RECK: variants seen among roughly 807,000 people sequenced by gnomAD.
RECK encodes the protein reversion-inducing cysteine-rich protein with Kazal motifs.
In RECK, 69 loss-of-function variants were observed where a neutral mutation model predicts 115.1. The ratio of observed to expected loss-of-function variants is 0.60; its 90% confidence interval spans 0.49 to 0.73. The LOEUF (loss-of-function observed/expected upper bound fraction) is 0.73. Among genes scored for constraint, RECK ranks in the 30% least tolerant of loss-of-function variants. RECK has a pLI of 0.00. For synonymous variants in RECK, 414 were observed against 419.7 expected (o/e 0.99, Z 0.17); for missense variants, 1,047 against 1,203.7 (o/e 0.87, Z 1.93).
rs1185406404 is a variant in RECK at position 36,065,621 on chromosome 9, T to C, written c.402T>C (p.Tyr134=). 1.9e-6 allele frequency: 3 copies of C among 1,577,454 alleles called. No homozygotes were observed. The highest frequency in any genetic ancestry group is 1.2e-5 in the South Asian group (1 of 81,972). ...NDISKVCRKE[Y]ENALFSCISR... is the part of the protein sequence containing the mutation. ...TTTCCAAAGTTTGCAGAAAAGAATA[T>C]GAGGTATGCATTTTATTTAACAAAT... Residue 134 remains tyrosine (Y), a synonymous_variant, in exon 6 of 21, where the codon TAT becomes TAC. Transcript: ENST00000377966.
intron 8 of RECK, 45 bp downstream of exon 8, chr9:36,083,607 A>T: frequency 6.4e-7 from 1 of 1,572,494 alleles, no homozygotes; most frequent in Non-Finnish European, 8.7e-7. Context: ...CTTTGGTAAA[A>T]TCGTTTGTAA....
At chr9:36,101,791 A>T (rs145739470) in intron 11 of RECK, among the ~76,000 whole-genome samples, 370 of 152,372 alleles carry the variant, frequency 2.4e-3, no homozygotes, top group African/African-American at 8.6e-3. Context: ...TGATTTTTGC[A>T]GAGAGTAAAT....
intron 8 of RECK, among the ~76,000 whole-genome samples, chr9:36,086,776 AT>A (rs772348255): frequency 1.6e-4 from 24 of 152,130 alleles, no homozygotes; most frequent in Non-Finnish European, 3.5e-4. Context: ...ACCTCTCAAT[AT>A]GGTGTTTGTG....
chr9:36,111,683 T>C (rs931365432), intron 15 of RECK, among the ~76,000 whole-genome samples: 4 of 152,222 alleles, frequency 2.6e-5, no homozygotes, highest in African/African-American at 9.6e-5. Flanking sequence ...CGTGAGCCAC[T>C]GTGCCCAGCC....
At chr9:36,056,999 C>T (rs1821554383) in intron 2 of RECK, 11 of 985,200 alleles carry the variant, frequency 1.1e-5, no homozygotes, top group African/African-American at 1.7e-5. Context: ...ATTTTACCGT[C>T]TCAGCTATTT....
Position 36,037,087 on chromosome 9 carries a change from CG to C in RECK, c.92del (p.Gly31AlafsTer33). On this transcript the variant is annotated frameshift_variant, in exon 1 of 21. Transcript: ENST00000377966. LOFTEE classifies it high-confidence loss of function. ...GCGGAGGTGGCAGGGGGCCTGGCTC[CG>C]GGCAGTGCGGGTGAGTAACCTCCAG... is the stretch of plus-strand genomic sequence containing the variant. Reference protein sequence around the residue: ...GVAEVAGGLAPGSAGALCCNH... With the variant: ...GVAEVAGGLAXGSAGALCCNH... 7.4e-7 allele frequency: 1 copy of C among 1,353,590 alleles called. No individual in the cohort carries two copies. The highest frequency in any genetic ancestry group is 9.5e-7 in the Non-Finnish European group (1 of 1,048,358). 83.8% of individuals were successfully genotyped at this position (1,353,590 alleles called of 1,614,324 possible). A position where few individuals can be genotyped will look rare whatever the true frequency, so the allele number is the denominator to read the frequency against.
intron 9 of RECK, among the ~76,000 whole-genome samples, chr9:36,089,915 A>G (rs912531960): frequency 9.2e-5 from 14 of 152,004 alleles, no homozygotes; most frequent in Non-Finnish European, 4.4e-5. Context: ...CCTGAGGTCA[A>G]GAGTTCCAGA....
At chr9:36,107,729 T>G (rs994161923) in intron 13 of RECK, among the ~76,000 whole-genome samples, 4 of 152,208 alleles carry the variant, frequency 2.6e-5, no homozygotes, top group African/African-American at 9.6e-5. Flanking sequence ...ACTGTTATAC[T>G]GAATGATAGG....
chr9:36,037,126 A>G, intron 1 of RECK, 28 bp downstream of exon 1: 1 of 1,233,690 alleles, frequency 8.1e-7, no homozygotes, highest in Non-Finnish European at 1.0e-6. Context: ...CAACGGTTCG[A>G]AGCTGTCGGG....
intron 14 of RECK, 101 bp downstream of exon 14, chr9:36,108,265 T>C (rs1823899396): frequency 1.2e-6 from 1 of 831,742 alleles, no homozygotes; most frequent in Admixed American, 3.1e-5. Flanking sequence ...AAGGTCTGCA[T>C]ATCAGATACT....
intron 4 of RECK, among the ~76,000 whole-genome samples, chr9:36,062,788 C>A (rs1176537062): frequency 6.6e-6 from 1 of 152,098 alleles, no homozygotes; most frequent in Non-Finnish European, 1.5e-5. Context: ...CTATCTCCTA[C>A]TTTTGCCTTA....
chr9:36,091,653 T>G (rs1344336899), intron 10 of RECK, among the ~76,000 whole-genome samples: 2 of 152,246 alleles, frequency 1.3e-5, no homozygotes, highest in Admixed American at 1.3e-4. Context: ...TTGTGAACTA[T>G]TTGGTCATCC....
At chr9:36,100,686 C>A (rs1823533309) in intron 11 of RECK, 143 bp downstream of exon 11, 2 of 604,296 alleles carry the variant, frequency 3.3e-6, no homozygotes, top group Admixed American at 5.9e-5. Context: ...CCACTTTTTC[C>A]TCCTCTAGTT....
intron 6 of RECK, 131 bp downstream of exon 6, chr9:36,065,755 AC>A: frequency 1.6e-6 from 1 of 615,872 alleles, no homozygotes. Flanking sequence ...TTTTGCATTG[AC>A]AAAAATGTCA....
At chr9:36,066,815 C>A in intron 6 of RECK, 1 of 1,289,108 alleles carries the variant, frequency 7.8e-7, no homozygotes, top group Non-Finnish European at 1.0e-6. Flanking sequence ...GTCTGGATTT[C>A]TGCATTGCCC....
chr9:36,037,989 G>A (rs1820734334), intron 1 of RECK, among the ~76,000 whole-genome samples: 1 of 143,884 alleles, frequency 7.0e-6, no homozygotes, highest in South Asian at 2.3e-4. Context: ...CAGGGAGACA[G>A]GCAGAGACAC....
In RECK at chr9:36,104,295, T is replaced by TGC. The variant is rs1189070273; in HGVS notation, c.1436-848_1436-847insGC. Among the ~76,000 whole-genome samples, 102 of 19,632 alleles carry TGC rather than the reference T, an allele frequency of 5.2e-3. 1 individual carries two copies. Among genetic ancestry groups the TGC allele is most frequent in the African/African-American group, 0.02 (86 of 4,202 alleles). The allele number at this position is 19,632 out of a possible 152,430, so 12.9% of individuals were successfully genotyped here. On this transcript the variant is annotated intron_variant, in intron 12 of 20. Coordinates refer to ENST00000377966, the MANE Select transcript of RECK (RefSeq NM_021111.3). ...CATAGCATGTGTGTGTGTGTGTGTA[T>TGC]ATATATATATATATATATATATATA...
chr9:36,100,628 T>C, intron 11 of RECK, 85 bp downstream of exon 11: 2 of 1,019,662 alleles, frequency 2.0e-6, no homozygotes. Flanking sequence ...TAGAATTTTC[T>C]CTCTTACCAC....
intron 16 of RECK, among the ~76,000 whole-genome samples, chr9:36,116,704 C>G (rs1166915013): frequency 1.3e-5 from 2 of 152,240 alleles, no homozygotes; most frequent in Non-Finnish European, 2.9e-5. Flanking sequence ...CCTTTGCCCC[C>G]CCAGCCTCCA....
Sources: gnomAD v4.1 joint callset for allele counts (sites outside exome capture counted in the v4.1 genomes callset) on GRCh38, gnomAD v4.1.1 for gene constraint, MANE v1.5 for transcripts, NCBI Gene and HGNC (gene_info 2026-07-23, HGNC 2026-07-21) for gene names.